Variants in DYNC1I1 observed in about 807,000 individuals in gnomAD.
DYNC1I1 encodes the protein dynein cytoplasmic 1 intermediate chain 1.
A neutral mutation model predicts 86.6 loss-of-function variants in DYNC1I1; 43 were observed. The ratio of observed to expected loss-of-function variants is 0.50; its 90% confidence interval spans 0.39 to 0.64. DYNC1I1 has a LOEUF of 0.64. Among genes scored for constraint, DYNC1I1 ranks in the 30% least tolerant of loss-of-function variants. The pLI, the probability that DYNC1I1 is intolerant of heterozygous loss-of-function variation, is 0.00. For missense variants in DYNC1I1, 604 were observed against 788.8 expected, an observed-to-expected ratio of 0.77 and a Z score of 2.81; for synonymous variants, 262 against 283.7, an observed-to-expected ratio of 0.92 and a Z score of 0.77.
rs565470414 is a variant in DYNC1I1 at position 95,977,321 on chromosome 7, G to C, written c.491-191G>C. Among the ~76,000 whole-genome samples the C allele has an allele frequency of 2.6e-5, 4 of 152,252 alleles. No homozygotes were observed. In the East Asian group the frequency reaches 7.7e-4, roughly 29 times the overall value. Reference sequence around the variant, plus strand: ...TCAACAGCTTGGGGAAATTTTCAAAGAGGCCCCTTTTGGAGATAATTTATT... The same window carrying C: ...TCAACAGCTTGGGGAAATTTTCAAACAGGCCCCTTTTGGAGATAATTTATT... On this transcript the variant is annotated intron_variant, in intron 6 of 16. Coordinates refer to ENST00000447467, the MANE Select transcript of DYNC1I1 (RefSeq NM_001135556.2).
intron 6 of DYNC1I1, among the ~76,000 whole-genome samples, chr7:95,973,867 G>T (rs1435149745): frequency 6.6e-6 from 1 of 152,178 alleles, no homozygotes; most frequent in African/African-American, 2.4e-5. Flanking sequence ...AGAACTAGAA[G>T]ATTTAAGTGC....
intron 9 of DYNC1I1, among the ~76,000 whole-genome samples, chr7:95,990,318 C>T (rs1025005009): frequency 6.6e-6 from 1 of 152,190 alleles, no homozygotes; most frequent in Non-Finnish European, 1.5e-5. Context: ...ACTCACTCCT[C>T]TCACATGTAC....
At chr7:95,904,714 T>C (rs1305997335) in intron 6 of DYNC1I1, among the ~76,000 whole-genome samples, 1 of 152,136 alleles carries the variant, frequency 6.6e-6, no homozygotes, top group Non-Finnish European at 1.5e-5. Flanking sequence ...TTTCTGTAAA[T>C]AGCAGAAGGG....
chr7:96,035,781 A>T (rs767746668), intron 13 of DYNC1I1, 29 bp downstream of exon 13: 3 of 1,607,094 alleles, frequency 1.9e-6, no homozygotes, highest in Non-Finnish European at 2.5e-6. Context: ...TACTGATGAC[A>T]TGTTCTTCAT....
At chr7:95,961,299 T>C (rs1562956841) in intron 6 of DYNC1I1, among the ~76,000 whole-genome samples, 1 of 152,156 alleles carries the variant, frequency 6.6e-6, no homozygotes, top group Non-Finnish European at 1.5e-5. Flanking sequence ...TGTGCAAGTT[T>C]AGGGGCCCTT....
intron 5 of DYNC1I1, among the ~76,000 whole-genome samples, chr7:95,830,728 A>G (rs1795302658): frequency 6.6e-6 from 1 of 152,150 alleles, no homozygotes; most frequent in African/African-American, 2.4e-5. Flanking sequence ...CAGTAGAGGT[A>G]TTTATGGTTG....
At chr7:96,006,981 A>G (rs1475087238) in intron 10 of DYNC1I1, among the ~76,000 whole-genome samples, 1 of 152,236 alleles carries the variant, frequency 6.6e-6, no homozygotes, top group Non-Finnish European at 1.5e-5. Context: ...AAAATATCAC[A>G]TGTACCCCCA....
At chr7:96,106,427 C>T (rs912502927) in intron 16 of DYNC1I1, among the ~76,000 whole-genome samples, 1 of 151,876 alleles carries the variant, frequency 6.6e-6, no homozygotes. Flanking sequence ...CCCAGCTACT[C>T]GGGAGGCTTA....
chr7:95,868,235 G>C (rs1790067063), intron 5 of DYNC1I1, among the ~76,000 whole-genome samples: 1 of 152,178 alleles, frequency 6.6e-6, no homozygotes, highest in Non-Finnish European at 1.5e-5. Flanking sequence ...AGCCAGCGAG[G>C]CTTGTCCTCT....
At chr7:96,072,436 T>C (rs1386323825) in intron 14 of DYNC1I1, among the ~76,000 whole-genome samples, 3 of 152,230 alleles carry the variant, frequency 2.0e-5, no homozygotes, top group Admixed American at 6.5e-5. Flanking sequence ...GGTTTTTTTT[T>C]CTAGTGAAAT....
chr7:95,859,595 G>T (rs1475824190), intron 5 of DYNC1I1, among the ~76,000 whole-genome samples: 1 of 151,714 alleles, frequency 6.6e-6, no homozygotes, highest in Non-Finnish European at 1.5e-5. Context: ...GCTTCAGCAG[G>T]CTGAAAGCCT....
At chr7:95,923,482 G>A (rs904632975) in intron 6 of DYNC1I1, among the ~76,000 whole-genome samples, 1 of 152,054 alleles carries the variant, frequency 6.6e-6, no homozygotes, top group Non-Finnish European at 1.5e-5. Context: ...TTTTGCCATC[G>A]ATGCCTTATG....
intron 16 of DYNC1I1, 21 bp from the exon 17 acceptor site, chr7:96,097,462 C>A: frequency 6.2e-7 from 1 of 1,613,070 alleles, no homozygotes. Flanking sequence ...TTCATCATTT[C>A]TCCATTGATT....
intron 1 of DYNC1I1, among the ~76,000 whole-genome samples, chr7:95,787,372 G>A (rs138970005): frequency 6.6e-6 from 1 of 152,224 alleles, no homozygotes; most frequent in East Asian, 1.9e-4. Context: ...AATCAAGCTG[G>A]TGGTCCAATT....
chr7:95,796,662 G>A (rs1452200058), intron 1 of DYNC1I1, among the ~76,000 whole-genome samples: 2 of 151,958 alleles, frequency 1.3e-5, no homozygotes, highest in African/African-American at 2.4e-5. Flanking sequence ...CCTAAAAAAA[G>A]CCTGAACTCC....
chr7:96,021,859 A>G (rs1426377040), intron 10 of DYNC1I1, among the ~76,000 whole-genome samples: 1 of 152,202 alleles, frequency 6.6e-6, no homozygotes, highest in Non-Finnish European at 1.5e-5. Context: ...TTATTGCCAA[A>G]CATTCCATTG....
intron 10 of DYNC1I1, among the ~76,000 whole-genome samples, chr7:96,013,842 C>A (rs891626881): frequency 1.3e-5 from 2 of 152,190 alleles, no homozygotes; most frequent in East Asian, 3.9e-4. Flanking sequence ...AGCCCATCTC[C>A]TGCCCTTCTG....
At chr7:95,776,437 C>T (rs751493841) in intron 1 of DYNC1I1, among the ~76,000 whole-genome samples, 5 of 152,124 alleles carry the variant, frequency 3.3e-5, no homozygotes, top group Admixed American at 1.3e-4. Context: ...GGGAGGCATA[C>T]GAATGGTTTT....
intron 16 of DYNC1I1, among the ~76,000 whole-genome samples, chr7:96,094,708 G>A (rs1319316532): frequency 6.6e-6 from 1 of 152,142 alleles, no homozygotes; most frequent in African/African-American, 2.4e-5. Flanking sequence ...GGGGCAGTCT[G>A]CAGTTCACCT....
Sources: allele counts gnomAD v4.1 joint callset (sites outside exome capture counted in the v4.1 genomes callset), GRCh38; gene constraint gnomAD v4.1.1; transcripts MANE v1.5; gene names NCBI Gene and HGNC (gene_info 2026-07-23, HGNC 2026-07-21).